PLCE1: variants seen among roughly 807,000 people sequenced by gnomAD.
PLCE1 encodes 1-phosphatidylinositol 4,5-bisphosphate phosphodiesterase epsilon-1.
PLCE1 carries 119 observed loss-of-function variants against 242.8 expected under a neutral mutation model. The ratio of observed to expected loss-of-function variants is 0.49; its 90% CI spans 0.42 to 0.57. The LOEUF is 0.57. Ranked by LOEUF, PLCE1 falls within the 20% of genes least tolerant of loss-of-function variation. The pLI, the probability that PLCE1 is intolerant of heterozygous loss-of-function variation, is 0.00. For missense variants in PLCE1, 2,441 were observed against 2,788.8 expected, an observed-to-expected ratio of 0.88 and a Z score of 2.81; for synonymous variants, 945 against 1,017.4, an observed-to-expected ratio of 0.93 and a Z score of 1.35.
intron 2 of PLCE1, among the ~76,000 whole-genome samples, chr10:94,072,323 C>T: frequency 6.6e-6 from 1 of 151,998 alleles, no homozygotes; most frequent in Non-Finnish European, 1.5e-5. Flanking sequence ...GTCACCCAGG[C>T]CGGAGTGCAG....
intron 3 of PLCE1, among the ~76,000 whole-genome samples, chr10:94,149,857 G>A (rs1170985409): frequency 3.9e-5 from 6 of 152,116 alleles, no homozygotes; most frequent in Non-Finnish European, 8.8e-5. Context: ...TGGGCAGTCG[G>A]GTCCCTTCAG....
chr10:94,029,120 A>G (rs1354078054), intron 1 of PLCE1, among the ~76,000 whole-genome samples: 1 of 152,124 alleles, frequency 6.6e-6, no homozygotes, highest in Non-Finnish European at 1.5e-5. Flanking sequence ...GATGATATTT[A>G]TAATTATAAT....
intron 4 of PLCE1, among the ~76,000 whole-genome samples, chr10:94,179,918 T>C (rs1190132891): frequency 6.6e-6 from 1 of 150,638 alleles, no homozygotes; most frequent in Non-Finnish European, 1.5e-5. Context: ...GACACAGTAG[T>C]GGTTTGATGT....
At chr10:94,319,179 G>A (rs1361311822) in intron 29 of PLCE1, among the ~76,000 whole-genome samples, 1 of 152,198 alleles carries the variant, frequency 6.6e-6, no homozygotes. Flanking sequence ...AGATTTTTCT[G>A]ATAAGTAAAA....
At position 94,331,124 on chromosome 10, in the gene PLCE1, T is replaced by C. The variant is rs182841565; in HGVS notation, c.*3181T>C. The stretch of plus-strand genomic sequence containing the variant: ...TGTCATCATTAGCAAGTAAAAGTTA[T>C]TTACAAATTCTCCAGTTGGGAGTCA... On this transcript the variant is annotated 3_prime_UTR_variant, in exon 33 of 33. Coordinates refer to ENST00000371380, the MANE Select transcript of PLCE1 (RefSeq NM_016341.4). 42 of 152,348 alleles carry C rather than the reference T, an allele frequency of 2.8e-4. 1 individual carries two copies. The highest frequency in any genetic ancestry group is 9.6e-4 in the African/African-American group (40 of 41,586). 9.4% of individuals were successfully genotyped at this position (152,348 alleles called of 1,614,324 possible). A position where few individuals can be genotyped will look rare whatever the true frequency, so the allele number is the denominator to read the frequency against.
intron 9 of PLCE1, among the ~76,000 whole-genome samples, 187 bp from the exon 10 acceptor site, chr10:94,254,003 A>G (rs1183304533): frequency 1.3e-5 from 2 of 152,286 alleles, no homozygotes; most frequent in East Asian, 3.9e-4. Context: ...ACTGCTGTAT[A>G]GTAAAGAACA....
intron 4 of PLCE1, among the ~76,000 whole-genome samples, chr10:94,212,248 G>A (rs1400831195): frequency 1.3e-5 from 2 of 151,860 alleles, no homozygotes; most frequent in Non-Finnish European, 2.9e-5. Flanking sequence ...CACCACACCT[G>A]GCTAATTTTT....
At chr10:94,299,484 C>G (rs1337991061) in intron 24 of PLCE1, among the ~76,000 whole-genome samples, 1 of 152,158 alleles carries the variant, frequency 6.6e-6, no homozygotes, top group East Asian at 1.9e-4. Context: ...CATTATGTTT[C>G]CACTTGGTTA....
At chr10:94,017,021 C>T (rs1272095567) in intron 1 of PLCE1, among the ~76,000 whole-genome samples, 1 of 152,176 alleles carries the variant, frequency 6.6e-6, no homozygotes, top group African/African-American at 2.4e-5. Flanking sequence ...AGTTGATTTG[C>T]TGAGGAGCCC....
At chr10:94,054,798 G>T (rs1339358580) in intron 2 of PLCE1, among the ~76,000 whole-genome samples, 1 of 152,088 alleles carries the variant, frequency 6.6e-6, no homozygotes, top group African/African-American at 2.4e-5. Flanking sequence ...GGATCACGAG[G>T]TCAGGAGATC....
intron 20 of PLCE1, among the ~76,000 whole-genome samples, chr10:94,280,947 G>A (rs981469275): frequency 1.3e-5 from 2 of 152,144 alleles, no homozygotes; most frequent in Non-Finnish European, 2.9e-5. Flanking sequence ...ACATCATTTA[G>A]TATTTGTCCT....
chr10:94,208,029 G>A (rs145954357), intron 4 of PLCE1, among the ~76,000 whole-genome samples: 139 of 152,306 alleles, frequency 9.1e-4, no homozygotes, highest in African/African-American at 3.3e-3. Flanking sequence ...AGCTGTCATA[G>A]AGGTGACTGA....
intron 29 of PLCE1, among the ~76,000 whole-genome samples, chr10:94,320,693 C>G (rs530154264): frequency 6.4e-4 from 98 of 152,214 alleles, no homozygotes; most frequent in Non-Finnish European, 1.1e-3. Flanking sequence ...TACTTTACCT[C>G]TCCCTGCCCT....
intron 4 of PLCE1, among the ~76,000 whole-genome samples, chr10:94,204,666 C>CGAAAGAAA (rs369112465): frequency 1.4e-5 from 2 of 140,370 alleles, no homozygotes. Flanking sequence ...AACTCTGTCC[C>CGAAAGAAA]GAAAGAAAGA....
At chr10:94,249,678 C>T (rs1017605129) in intron 8 of PLCE1, among the ~76,000 whole-genome samples, 1 of 151,966 alleles carries the variant, frequency 6.6e-6, no homozygotes, top group East Asian at 1.9e-4. Context: ...ACACAGAAGA[C>T]AAGAAGAAGT....
At position 94,265,816 on chromosome 10, in the gene PLCE1, T is replaced by G; in HGVS notation, c.4139T>G (p.Phe1380Cys). 1 of 1,614,060 alleles carries G rather than the reference T, an allele frequency of 6.2e-7. No homozygotes were observed. Among genetic ancestry groups the G allele is most frequent in the Non-Finnish European group, 8.5e-7 (1 of 1,179,980 alleles). Residue 1380 changes from phenylalanine to cysteine, a missense_variant, in exon 16 of 33, where the codon TTT (phenylalanine) becomes TGT (cysteine). This residue lies in a region of PLCE1 where 1,004 missense variants were observed against 1,322.7 expected (regional missense o/e 0.76). Transcript: ENST00000371380. Reference sequence around the variant, plus strand: ...AGGTTTCTGATGGATAAAGAAAATTTTGCCTCAAAAAATGATGAGTCACAG... The same window carrying G: ...AGGTTTCTGATGGATAAAGAAAATTGTGCCTCAAAAAATGATGAGTCACAG... Reference protein sequence around the residue: ...FARFLMDKENFASKNDESQEN... With the variant: ...FARFLMDKENCASKNDESQEN...
intron 3 of PLCE1, among the ~76,000 whole-genome samples, chr10:94,161,626 T>C (rs139199469): frequency 0.085 from 12,904 of 152,232 alleles, 1,010 homozygotes; most frequent in African/African-American, 0.21. Context: ...CTTCTTCTTT[T>C]CCTAACTGAA....
chr10:94,252,284 C>A, intron 8 of PLCE1, 32 bp from the exon 9 acceptor site: 1 of 1,602,130 alleles, frequency 6.2e-7, no homozygotes, highest in Non-Finnish European at 8.6e-7. Flanking sequence ...CTTGATGCTT[C>A]CTATTGTGTT....
intron 18 of PLCE1, among the ~76,000 whole-genome samples, chr10:94,271,023 TG>T (rs1178928029): frequency 6.6e-6 from 1 of 152,132 alleles, no homozygotes; most frequent in African/African-American, 2.4e-5. Flanking sequence ...AGACCTTGGC[TG>T]TGAAGCATAT....
Sources: gnomAD v4.1 joint callset for allele counts (sites outside exome capture counted in the v4.1 genomes callset) on GRCh38, gnomAD v4.1.1 for gene constraint, gnomAD v4.1.1 regional missense constraint, MANE v1.5 for transcripts, NCBI Gene and HGNC (gene_info 2026-07-23, HGNC 2026-07-21) for gene names.